The following TRPM7 variants were observed in gnomAD, a reference collection of about 807,000 sequenced individuals.
The protein encoded by TRPM7 is transient receptor potential cation channel subfamily M member 7.
TRPM7 carries 134 observed loss-of-function variants against 229.7 expected under a neutral mutation model. The observed-to-expected ratio is 0.58, with a 90% CI of 0.51 to 0.67. TRPM7 has a LOEUF of 0.67. Ranked by LOEUF, TRPM7 falls within the 30% of genes least tolerant of loss-of-function variation. The pLI is 0.00. For missense variants in TRPM7, 1,901 were observed against 2,210.0 expected (o/e 0.86, Z 2.80); for synonymous variants, 699 against 715.2 (o/e 0.98, Z 0.36).
At chr15:50,601,659 A>T (rs1246383669) in intron 21 of TRPM7, among the ~76,000 whole-genome samples, 1 of 152,098 alleles carries the variant, frequency 6.6e-6, no homozygotes, top group East Asian at 1.9e-4. Context: ...AAAATAAAAT[A>T]AAGTAAAATT....
rs185925101 is a variant in TRPM7, at chr15:50,607,915, C to T, written c.2581-587G>A. On this transcript the variant is annotated intron_variant, in intron 19 of 38. Coordinates refer to ENST00000646667, the MANE Select transcript of TRPM7 (RefSeq NM_017672.6). The stretch of plus-strand genomic sequence containing the variant: ...AAAAAAAAAAAAAAAATTAGCCAGA[C>T]GTGGTGGTGCATGCCTGCAATTCCA... Among the ~76,000 whole-genome samples the T allele has an allele frequency of 9.1e-3, 1,343 of 147,206 alleles. 12 individuals are homozygous for T. The highest frequency in any genetic ancestry group is 0.016 in the Non-Finnish European group (1,093 of 67,240).
intron 2 of TRPM7, among the ~76,000 whole-genome samples, chr15:50,659,813 G>A (rs981170359): frequency 9.2e-5 from 14 of 152,032 alleles, no homozygotes; most frequent in African/African-American, 3.4e-4. Flanking sequence ...GATTACAAGT[G>A]CCCACCACCA....
At chr15:50,643,634 T>A in intron 4 of TRPM7, 81 bp from the exon 5 acceptor site, 1 of 1,066,358 alleles carries the variant, frequency 9.4e-7, no homozygotes, top group Non-Finnish European at 1.4e-6. Flanking sequence ...CTTTGGAAAA[T>A]TTTATATGAA....
In TRPM7 at chr15:50,612,778, C is replaced by G; in HGVS notation, c.1822G>C (p.Val608Leu). 1 of 1,613,934 alleles carries G rather than the reference C, an allele frequency of 6.2e-7. No homozygotes were observed. The highest frequency in any genetic ancestry group is 2.2e-5 in the East Asian group (1 of 44,862). Reference protein sequence around the residue: ...GKKKRTKDEIVDIDDPETKRF... With the variant: ...GKKKRTKDEILDIDDPETKRF... Reference sequence around the variant, plus strand: ...TTGGTTTCTGGATCATCAATGTCTACAATTTCATCTTTGGTTCTTTTCTTC... The same window carrying G: ...TTGGTTTCTGGATCATCAATGTCTAGAATTTCATCTTTGGTTCTTTTCTTC... The change falls in exon 16 of 39, where the codon GTA becomes CTA. Residue 608 changes from valine (V) to leucine (L), a missense_variant. Physicochemically the swap from Val to Leu is conservative, Grantham distance 32. Transcript: ENST00000646667.
intron 23 of TRPM7, among the ~76,000 whole-genome samples, chr15:50,594,837 T>TTG (rs2059593843): frequency 6.6e-6 from 1 of 152,150 alleles, no homozygotes; most frequent in Non-Finnish European, 1.5e-5. Flanking sequence ...ATTTAAAATA[T>TTG]TGTATGTAAA....
chr15:50,600,298 G>A lies in TRPM7; in HGVS notation c.2989-1002C>T, dbSNP rs575911000. Among the ~76,000 whole-genome samples, 10 of 152,166 alleles carry A rather than the reference G, an allele frequency of 6.6e-5. No homozygotes were observed. In the East Asian group the frequency reaches 1.2e-3, roughly 18 times the overall value. The stretch of plus-strand genomic sequence containing the variant: ...CTAAAAATATAAAACTTAGCCGGGC[G>A]TGGCGGCACACTCCTGTAATCCCAG... On this transcript the variant is annotated intron_variant, in intron 21 of 38. Transcript: ENST00000646667.
intron 31 of TRPM7, among the ~76,000 whole-genome samples, chr15:50,576,554 G>A (rs1333269412): frequency 6.6e-6 from 1 of 152,138 alleles, no homozygotes; most frequent in African/African-American, 2.4e-5. Context: ...CGACTATATA[G>A]GAGTACCTAA....
rs191240568 is a variant in TRPM7 at position 50,588,657 on chromosome 15, T to C, written c.4389+935A>G. 3.9e-3 allele frequency among the ~76,000 whole-genome samples: 593 copies of C among 152,318 alleles called. 3 individuals carry two copies. The highest frequency in any genetic ancestry group is 0.013 in the African/African-American group (559 of 41,572). On this transcript the variant is annotated intron_variant, in intron 27 of 38. Coordinates refer to ENST00000646667, the MANE Select transcript of TRPM7 (RefSeq NM_017672.6). ...TGTATGTCACTTAACATTTCTATAA[T>C]GTAAGTTCTTTAAGGGCTAGAGAAG...
chr15:50,635,318 T>TCAAA (rs2060860082), intron 7 of TRPM7, among the ~76,000 whole-genome samples: 1 of 42,916 alleles, frequency 2.3e-5, no homozygotes, highest in Non-Finnish European at 4.1e-5. Flanking sequence ...CTCCCTCACA[T>TCAAA]AAAAAAAAAA....
Position 50,621,157 on chromosome 15 carries a change from C to CAAAA in TRPM7, c.1441-1363_1441-1360dup, listed in dbSNP as rs35848629. Among the ~76,000 whole-genome samples the CAAAA allele has an allele frequency of 9.6e-3, 496 of 51,706 alleles. 15 individuals carry two copies. The highest frequency in any genetic ancestry group is 0.014 in the Non-Finnish European group (355 of 25,602). The allele number at this position is 51,706 out of a possible 152,430, so 33.9% of individuals were successfully genotyped here. ...CCTGGGCAACAGCGAGACTCCGTCT[C>CAAAA]AAAAAAAAAAAAAAAAAAAAAAAAA... On this transcript the variant is annotated intron_variant, in intron 12 of 38. Transcript: ENST00000646667.
intron 15 of TRPM7, 137 bp from the exon 16 acceptor site, chr15:50,612,966 A>G (rs1235430287): frequency 1.4e-6 from 1 of 723,688 alleles, no homozygotes; most frequent in Non-Finnish European, 2.1e-6. Flanking sequence ...TATAAACTTG[A>G]TTTTTATTAT....
chr15:50,566,254 A>G (rs956357308), intron 38 of TRPM7, among the ~76,000 whole-genome samples: 2 of 152,230 alleles, frequency 1.3e-5, no homozygotes. Flanking sequence ...AGAACTAAAC[A>G]AGACAATCCA....
rs569590236 is a variant in TRPM7 at position 50,635,671 on chromosome 15, AAAAAAAAAAAAAAAAAAAAAG to A, written c.833-1136_833-1116del. On this transcript the variant is annotated intron_variant, in intron 7 of 38. Transcript: ENST00000646667. ...GAGCAAGACTCCATCTCCCAAAAAAAAAAAAAAAAAAAAAAAAAAAGAGGACGGCTGGGTATGGTGGCTCAT... is the reference window on the plus strand; with the variant it reads ...GAGCAAGACTCCATCTCCCAAAAAAAAGGACGGCTGGGTATGGTGGCTCAT... Among the ~76,000 whole-genome samples, 56 of 61,648 alleles carry A rather than the reference AAAAAAAAAAAAAAAAAAAAAG, an allele frequency of 9.1e-4. 1 individual carries two copies. The South Asian group carries it at 0.031, about 35-fold the overall frequency. 40.4% of individuals were successfully genotyped at this position (61,648 alleles called of 152,430 possible). A position where few individuals can be genotyped will look rare whatever the true frequency, so the allele number is the denominator to read the frequency against.
At chr15:50,647,271 C>A (rs1211116310) in intron 4 of TRPM7, among the ~76,000 whole-genome samples, 1 of 152,298 alleles carries the variant, frequency 6.6e-6, no homozygotes, top group South Asian at 2.1e-4. Flanking sequence ...GCTGGGACTA[C>A]AGGCTCGTGC....
chr15:50,647,073 T>C (rs1400569093), intron 4 of TRPM7, among the ~76,000 whole-genome samples: 2 of 152,250 alleles, frequency 1.3e-5, no homozygotes, highest in East Asian at 1.9e-4. Flanking sequence ...TCTTAAGTGA[T>C]GCATGACTGC....
intron 3 of TRPM7, among the ~76,000 whole-genome samples, chr15:50,656,247 G>A (rs557385666): frequency 2.0e-5 from 3 of 152,058 alleles, no homozygotes; most frequent in South Asian, 4.2e-4. Context: ...GAAATGAAAA[G>A]GACTGGAGAT....
At chr15:50,633,782 G>A (rs2140677255) in intron 8 of TRPM7, among the ~76,000 whole-genome samples, 1 of 152,216 alleles carries the variant, frequency 6.6e-6, no homozygotes, top group East Asian at 1.9e-4. Context: ...ATATACATCT[G>A]TAGGAACAAT....
chr15:50,630,822 A>G (rs2060709472), intron 10 of TRPM7, among the ~76,000 whole-genome samples: 1 of 151,986 alleles, frequency 6.6e-6, no homozygotes, highest in African/African-American at 2.4e-5. Flanking sequence ...CAGAGTGCAC[A>G]CCACCATGCC....
intron 2 of TRPM7, among the ~76,000 whole-genome samples, chr15:50,658,294 C>T (rs1261998798): frequency 2.6e-5 from 4 of 152,002 alleles, no homozygotes; most frequent in South Asian, 2.1e-4. Context: ...TGTGAGCCAC[C>T]GCGCCTGGCA....
Sources: gnomAD v4.1 joint callset for allele counts (sites outside exome capture counted in the v4.1 genomes callset) on GRCh38, gnomAD v4.1.1 for gene constraint, MANE v1.5 for transcripts, NCBI Gene and HGNC (gene_info 2026-07-23, HGNC 2026-07-21) for gene names.